Variants in MN1 observed in about 807,000 individuals in gnomAD.
MN1 encodes transcriptional activator MN1.
MN1 carries 19 observed loss-of-function variants against 86.9 expected under a neutral mutation model. The ratio of observed to expected loss-of-function variants is 0.22; its 90% CI spans 0.15 to 0.32. The LOEUF (loss-of-function observed/expected upper bound fraction) is 0.32. Ranked by LOEUF, MN1 falls within the 10% of genes least tolerant of loss-of-function variation. The pLI, the probability that MN1 is intolerant of heterozygous loss-of-function variation, is 1.00. For synonymous variants in MN1, 928 were observed against 849.6 expected (o/e 1.09, Z -1.60); for missense variants, 1,841 against 1,862.0 (o/e 0.99, Z 0.21).
Position 27,799,146 on chromosome 22 carries a change from T to TC in MN1, c.1397dup (p.Val467SerfsTer18). On this transcript the variant is annotated frameshift_variant, in exon 1 of 2. Coordinates refer to ENST00000302326, the MANE Select transcript of MN1 (RefSeq NM_002430.3). LOFTEE classifies it high-confidence loss of function. ...CGTTCCACGAAGCGCAGCGGTCCAC[T>TC]CCCGCGCTGCCCGGAAAGTCGAAGC... 1 of 1,606,524 alleles carries TC rather than the reference T, an allele frequency of 6.2e-7. No homozygotes were observed. The highest frequency in any genetic ancestry group is 1.1e-5 in the South Asian group (1 of 90,816).
intron 1 of MN1, among the ~76,000 whole-genome samples, chr22:27,774,292 C>T (rs45628036): frequency 0.019 from 2,912 of 152,272 alleles, 120 homozygotes; most frequent in East Asian, 0.16. Flanking sequence ...GGCCACTGCC[C>T]AGTTAAAGGC....
intron 1 of MN1, among the ~76,000 whole-genome samples, chr22:27,771,547 G>GA (rs35472458): frequency 4.6e-5 from 7 of 151,746 alleles, no homozygotes; most frequent in African/African-American, 1.2e-4. Context: ...TTTAATGGTT[G>GA]AAAAAAAGTC....
rs1933386651 is a variant in MN1 at position 27,799,410 on chromosome 22, G to A, written c.1134C>T (p.Leu378=). The A allele has an allele frequency of 1.3e-6, 2 of 1,493,326 alleles. No homozygotes were observed. The highest frequency in any genetic ancestry group is 2.5e-5 in the Admixed American group (1 of 40,404). 92.5% of individuals were successfully genotyped at this position (1,493,326 alleles called of 1,614,324 possible). A position where few individuals can be genotyped will look rare whatever the true frequency, so the allele number is the denominator to read the frequency against. The change falls in exon 1 of 2, where the codon CTC becomes CTT. Residue 378 remains leucine (L), a synonymous_variant. Transcript: ENST00000302326. The part of the protein sequence containing the change: ...LVRQNSCPPA[L]PRPQQGEAGT... Reference sequence around the variant, plus strand: ...CCGCCTCGCCCTGCTGGGGCCGAGGGAGCGCAGGCGGGCACGAATTTTGTC... The same window carrying A: ...CCGCCTCGCCCTGCTGGGGCCGAGGAAGCGCAGGCGGGCACGAATTTTGTC...
chr22:27,784,988 G>A (rs1388013894), intron 1 of MN1, among the ~76,000 whole-genome samples: 1 of 151,104 alleles, frequency 6.6e-6, no homozygotes, highest in Non-Finnish European at 1.5e-5. Context: ...AATTGCAATC[G>A]TTTTTTGGTT....
intron 1 of MN1, among the ~76,000 whole-genome samples, chr22:27,792,542 G>A (rs1028875892): frequency 2.6e-5 from 4 of 151,834 alleles, no homozygotes; most frequent in Admixed American, 2.6e-4. Context: ...GGGGTTTTAT[G>A]TCAGGAGGCG....
chr22:27,773,013 A>C (rs899425482), intron 1 of MN1, among the ~76,000 whole-genome samples: 24 of 151,906 alleles, frequency 1.6e-4, no homozygotes, highest in African/African-American at 5.3e-4. Context: ...GGCCTCCCCA[A>C]GGAGGCCCCA....
chr22:27,788,850 C>G (rs1202269008), intron 1 of MN1, among the ~76,000 whole-genome samples: 3 of 152,152 alleles, frequency 2.0e-5, no homozygotes, highest in Non-Finnish European at 4.4e-5. Context: ...AGAGATTTCT[C>G]CTAGTCATAC....
chr22:27,749,182 G>A lies in MN1; in HGVS notation c.*1733C>T. The A allele has an allele frequency of 4.3e-6, 1 of 231,410 alleles. No homozygotes were observed. The highest frequency in any genetic ancestry group is 6.1e-5 in the East Asian group (1 of 16,338). The allele number at this position is 231,410 out of a possible 1,614,324, so 14.3% of individuals were successfully genotyped here. A position where few individuals can be genotyped will look rare whatever the true frequency, so the allele number is the denominator to read the frequency against. On this transcript the variant is annotated 3_prime_UTR_variant, in exon 2 of 2. Transcript: ENST00000302326. Reference sequence around the variant, plus strand: ...ACCGGCAGAAGGAAAGAGGGGAGAAGGGAGGGGAAAGAGTGAGGTTTTTCT... The same window carrying A: ...ACCGGCAGAAGGAAAGAGGGGAGAAAGGAGGGGAAAGAGTGAGGTTTTTCT...
At chr22:27,763,585 G>A (rs899509215) in intron 1 of MN1, among the ~76,000 whole-genome samples, 3 of 152,168 alleles carry the variant, frequency 2.0e-5, no homozygotes, top group Admixed American at 1.3e-4. Flanking sequence ...GTACCCAACC[G>A]ACGGTCAAAG....
chr22:27,768,546 C>A (rs149765631), intron 1 of MN1, among the ~76,000 whole-genome samples: 1,601 of 152,284 alleles, frequency 0.011, 34 homozygotes, highest in Admixed American at 0.059. Context: ...CAAGTAGATG[C>A]CTTGGGAGCT....
At position 27,755,555 on chromosome 22, in the gene MN1, C is replaced by T. The variant is rs1443502318; in HGVS notation, c.3782-4459G>A. Among the ~76,000 whole-genome samples, 16 of 152,342 alleles carry T rather than the reference C, an allele frequency of 1.1e-4. 1 individual carries two copies. ...AGGCCCAGAGCTGAGACAGACACCC[C>T]TGCTCTTTCTCCTCCCAAAAGCACT... On this transcript the variant is annotated intron_variant, in intron 1 of 1. Coordinates refer to ENST00000302326, the MANE Select transcript of MN1 (RefSeq NM_002430.3).
intron 1 of MN1, among the ~76,000 whole-genome samples, chr22:27,775,392 G>A (rs1932964997): frequency 6.6e-6 from 1 of 152,158 alleles, no homozygotes; most frequent in Non-Finnish European, 1.5e-5. Context: ...GGAAAGATGG[G>A]CCTCGCGTCC....
At chr22:27,794,022 G>A (rs1933250420) in intron 1 of MN1, among the ~76,000 whole-genome samples, 1 of 152,150 alleles carries the variant, frequency 6.6e-6, no homozygotes, top group Non-Finnish European at 1.5e-5. Context: ...CTGGTACCTA[G>A]AGAAGGTCCA....
At position 27,768,777 on chromosome 22, in the gene MN1, G is replaced by T. The variant is rs114174935; in HGVS notation, c.3782-17681C>A. 6.3e-3 allele frequency among the ~76,000 whole-genome samples: 965 copies of T among 152,284 alleles called. 8 individuals carry two copies. The highest frequency in any genetic ancestry group is 0.022 in the African/African-American group (922 of 41,558). ...GCTATGATCATGCCACTGCACTCCA[G>T]CCTGGGCCACACAGTGTGACTCTGT... is the stretch of plus-strand genomic sequence containing the variant. On this transcript the variant is annotated intron_variant, in intron 1 of 1. Coordinates refer to ENST00000302326, the MANE Select transcript of MN1 (RefSeq NM_002430.3).
chr22:27,780,581 A>C (rs1360963937), intron 1 of MN1, among the ~76,000 whole-genome samples: 1 of 152,174 alleles, frequency 6.6e-6, no homozygotes. Flanking sequence ...TACCCCAGAG[A>C]GCCAGGTGTT....
At chr22:27,795,924 A>C (rs1283488132) in intron 1 of MN1, among the ~76,000 whole-genome samples, 1 of 152,096 alleles carries the variant, frequency 6.6e-6, no homozygotes, top group Non-Finnish European at 1.5e-5. Context: ...TTAGAATGCA[A>C]ACGAAAGCTG....
Position 27,749,616 on chromosome 22 carries a change from A to C in MN1, c.*1299T>G. On this transcript the variant is annotated 3_prime_UTR_variant, in exon 2 of 2. Coordinates refer to ENST00000302326, the MANE Select transcript of MN1 (RefSeq NM_002430.3). ...CTTGGGACATGGCTCTAGTTTTGCA[A>C]CAGGGTGAGATTCCAAAAAAATGTT... The C allele has an allele frequency of 4.3e-6, 1 of 231,958 alleles. No homozygotes were observed. Among genetic ancestry groups the C allele is most frequent in the Non-Finnish European group, 8.5e-6 (1 of 117,238 alleles). The allele number at this position is 231,958 out of a possible 1,614,324, so 14.4% of individuals were successfully genotyped here. A position where few individuals can be genotyped will look rare whatever the true frequency, so the allele number is the denominator to read the frequency against.
At position 27,779,008 on chromosome 22, in the gene MN1, C is replaced by T. The variant is rs1933016191; in HGVS notation, c.3781+17755G>A. The stretch of plus-strand genomic sequence containing the variant: ...GCATCCCTTCCTTCCCTACCCACCC[C>T]TGCAGAGATGGGGGTGAAGATCCCT... On this transcript the variant is annotated intron_variant, in intron 1 of 1. Transcript: ENST00000302326. Among the ~76,000 whole-genome samples the T allele has an allele frequency of 2.0e-5, 3 of 152,322 alleles. No individual in the cohort carries two copies. In the South Asian group the frequency reaches 6.2e-4, roughly 32 times the overall value.
At chr22:27,756,497 C>A (rs975678119) in intron 1 of MN1, among the ~76,000 whole-genome samples, 5 of 152,126 alleles carry the variant, frequency 3.3e-5, no homozygotes, top group Admixed American at 2.0e-4. Context: ...CCACCTCCTG[C>A]CCCGCTGCCT....
Sources: allele counts gnomAD v4.1 joint callset (sites outside exome capture counted in the v4.1 genomes callset), GRCh38; gene constraint gnomAD v4.1.1; transcripts MANE v1.5; gene names NCBI Gene and HGNC (gene_info 2026-07-23, HGNC 2026-07-21).